Variants in LMO4 observed in about 807,000 individuals in gnomAD.
The protein encoded by LMO4 is LIM domain only 4, also known as LIM domain transcription factor LMO4.
LMO4 carries 3 observed loss-of-function variants against 18.5 expected under a neutral mutation model. That is an observed-to-expected ratio of 0.16 (90% CI 0.07 to 0.42). The LOEUF is 0.42. Among genes scored for constraint, LMO4 ranks in the 10% least tolerant of loss-of-function variants. The pLI is 0.99. For synonymous variants in LMO4, 100 were observed against 88.1 expected, an observed-to-expected ratio of 1.14 and a Z score of -0.76; for missense variants, 121 against 219.9, an observed-to-expected ratio of 0.55 and a Z score of 2.84.
rs1260996539 is a variant in LMO4, at chr1:87,347,710, T to C, written c.*2914T>C. 6.6e-6 allele frequency: 1 copy of C among 152,232 alleles called. No homozygotes were observed. Among genetic ancestry groups the C allele is most frequent in the Non-Finnish European group, 1.5e-5 (1 of 68,036 alleles). The allele number at this position is 152,232 out of a possible 1,614,324, so 9.4% of individuals were successfully genotyped here. ...ATAAATGTCTCAATCATGCAAATTGTCACTCTTGTTAATGAAACAATTTTG... is the reference window on the plus strand; with the variant it reads ...ATAAATGTCTCAATCATGCAAATTGCCACTCTTGTTAATGAAACAATTTTG... On this transcript the variant is annotated 3_prime_UTR_variant, in exon 5 of 5. Coordinates refer to ENST00000370544, the MANE Select transcript of LMO4 (RefSeq NM_006769.4).
intron 4 of LMO4, 139 bp from the exon 5 acceptor site, chr1:87,344,649 C>G: frequency 3.7e-6 from 3 of 806,592 alleles, no homozygotes; most frequent in Non-Finnish European, 4.2e-6. Context: ...GCATAGAAAG[C>G]CTCTATCAAG....
chr1:87,338,725 T>C (rs1392590272), intron 2 of LMO4, among the ~76,000 whole-genome samples: 1 of 152,226 alleles, frequency 6.6e-6, no homozygotes, highest in African/African-American at 2.4e-5. Context: ...TGGTCTCATT[T>C]GATTGCATAG....
At chr1:87,333,049 G>A (rs138539074) in intron 2 of LMO4, among the ~76,000 whole-genome samples, 1 of 152,114 alleles carries the variant, frequency 6.6e-6, no homozygotes, top group Non-Finnish European at 1.5e-5. Context: ...TACTAATCTT[G>A]CATTTTAAAG....
chr1:87,343,523 G>C (rs1650551039), intron 4 of LMO4, among the ~76,000 whole-genome samples: 1 of 152,122 alleles, frequency 6.6e-6, no homozygotes, highest in African/African-American at 2.4e-5. Flanking sequence ...GTGCCATCTA[G>C]AATTACCTGT....
At chr1:87,338,443 C>T (rs1650375210) in intron 2 of LMO4, among the ~76,000 whole-genome samples, 1 of 152,214 alleles carries the variant, frequency 6.6e-6, no homozygotes, top group East Asian at 1.9e-4. Flanking sequence ...CTTGTTCCGA[C>T]ACCACCTTTC....
In LMO4 at chr1:87,344,999, G is replaced by T; in HGVS notation, c.*203G>T. ...TGAATATGAACATTAAGGACTCCAT[G>T]AACCTGGGCTAATGGGAGACTGTAG... On this transcript the variant is annotated 3_prime_UTR_variant, in exon 5 of 5. Coordinates refer to ENST00000370544, the MANE Select transcript of LMO4 (RefSeq NM_006769.4). 9.4e-6 allele frequency: 3 copies of T among 317,770 alleles called. No homozygotes were observed. The highest frequency in any genetic ancestry group is 1.8e-5 in the Non-Finnish European group (3 of 170,172). 19.7% of individuals were successfully genotyped at this position (317,770 alleles called of 1,614,324 possible).
intron 2 of LMO4, among the ~76,000 whole-genome samples, chr1:87,338,923 G>T (rs1650394387): frequency 6.6e-6 from 1 of 152,214 alleles, no homozygotes; most frequent in Admixed American, 6.5e-5. Context: ...TATCAAGAGA[G>T]AGAGAAGGTT....
intron 4 of LMO4, among the ~76,000 whole-genome samples, chr1:87,344,034 A>G (rs1014670255): frequency 3.9e-5 from 6 of 152,246 alleles, no homozygotes; most frequent in Admixed American, 3.3e-4. Flanking sequence ...TCTTTTATCT[A>G]TCACAGGTCA....
At chr1:87,340,958 A>C (rs969322759) in intron 4 of LMO4, among the ~76,000 whole-genome samples, 2 of 152,212 alleles carry the variant, frequency 1.3e-5, no homozygotes, top group Admixed American at 1.3e-4. Flanking sequence ...ATTGGTGATC[A>C]ACAGTTGTCC....
At chr1:87,333,493 T>C (rs1346146586) in intron 2 of LMO4, among the ~76,000 whole-genome samples, 1 of 152,236 alleles carries the variant, frequency 6.6e-6, no homozygotes, top group Non-Finnish European at 1.5e-5. Flanking sequence ...GTGATTCGCC[T>C]TATCCTGCGA....
intron 1 of LMO4, among the ~76,000 whole-genome samples, chr1:87,329,820 A>G (rs1650078492): frequency 6.6e-6 from 1 of 152,158 alleles, no homozygotes; most frequent in African/African-American, 2.4e-5. Context: ...TTGTACTACA[A>G]ATTGCCAGCG....
intron 4 of LMO4, among the ~76,000 whole-genome samples, chr1:87,340,797 C>A (rs943462754): frequency 6.6e-6 from 1 of 152,170 alleles, no homozygotes; most frequent in African/African-American, 2.4e-5. Flanking sequence ...CTTGTTCTTG[C>A]TAACCCGCTT....
intron 2 of LMO4, among the ~76,000 whole-genome samples, chr1:87,337,244 TTGTTCTC>T (rs1650343029): frequency 6.6e-6 from 1 of 152,218 alleles, no homozygotes; most frequent in Non-Finnish European, 1.5e-5. Flanking sequence ...TTGTGGCTGA[TTGTTCTC>T]TGAAAGGTTA....
At chr1:87,342,311 ATAG>A (rs1650520587) in intron 4 of LMO4, among the ~76,000 whole-genome samples, 1 of 152,214 alleles carries the variant, frequency 6.6e-6, no homozygotes, top group Non-Finnish European at 1.5e-5. Flanking sequence ...ACCATCTTTT[ATAG>A]TATAAGATGG....
chr1:87,337,399 C>A (rs1228575934), intron 2 of LMO4, among the ~76,000 whole-genome samples: 2 of 152,168 alleles, frequency 1.3e-5, no homozygotes, highest in African/African-American at 4.8e-5. Flanking sequence ...AATAAATGAA[C>A]ACTTAGGCTG....
rs1250512914 is a variant in LMO4 at position 87,344,684 on chromosome 1, AAAG to A, written c.490-99_490-97del. 5.0e-5 allele frequency: 57 copies of A among 1,142,256 alleles called. No homozygotes were observed. The Admixed American group carries it at 5.9e-4, about 12-fold the overall frequency. 70.8% of individuals were successfully genotyped at this position (1,142,256 alleles called of 1,614,324 possible). On this transcript the variant is annotated intron_variant, in intron 4 of 4. Coordinates refer to ENST00000370544, the MANE Select transcript of LMO4 (RefSeq NM_006769.4). ...GTCACAGTTGGAAAGTAATCTAATA[AAAG>A]AAGATTAGTGAATGTGGGGAAGACA...
At chr1:87,335,327 G>C (rs1171810642) in intron 2 of LMO4, among the ~76,000 whole-genome samples, 1 of 152,118 alleles carries the variant, frequency 6.6e-6, no homozygotes, top group African/African-American at 2.4e-5. Flanking sequence ...TCCGGGGAGG[G>C]CGAGGAAACG....
At chr1:87,331,867 C>T (rs1650163944) in intron 1 of LMO4, 146 bp from the exon 2 acceptor site, 1 of 643,870 alleles carries the variant, frequency 1.6e-6, no homozygotes, top group South Asian at 2.0e-5. Context: ...TCCCCCTCAG[C>T]CTCCTTCCCG....
chr1:87,344,025 C>A (rs1353468135), intron 4 of LMO4, among the ~76,000 whole-genome samples: 3 of 152,196 alleles, frequency 2.0e-5, no homozygotes, highest in African/African-American at 4.8e-5. Context: ...GAACTATGTT[C>A]TTTTATCTAT....
Sources: allele counts gnomAD v4.1 joint callset (sites outside exome capture counted in the v4.1 genomes callset), GRCh38; gene constraint gnomAD v4.1.1; transcripts MANE v1.5; gene names NCBI Gene and HGNC (gene_info 2026-07-23, HGNC 2026-07-21).